PREX1: variants seen among roughly 807,000 people sequenced by gnomAD.
PREX1 encodes phosphatidylinositol-3,4,5-trisphosphate dependent Rac exchange factor 1, also known as phosphatidylinositol 3,4,5-trisphosphate-dependent Rac exchanger 1 protein.
In PREX1, 41 loss-of-function variants were observed where a neutral mutation model predicts 198.3. That is an observed-to-expected ratio of 0.21 (90% CI 0.16 to 0.27). The LOEUF (loss-of-function observed/expected upper bound fraction) is 0.27, where lower values mean the gene tolerates loss of function less well. PREX1 is among the 10% of genes least tolerant of loss of function. PREX1 has a pLI of 1.00. For synonymous variants in PREX1, 843 were observed against 887.2 expected (o/e 0.95, Z 0.89); for missense variants, 1,620 against 2,200.7 (o/e 0.74, Z 5.28).
At chr20:48,846,663 T>A in the PREX1 span, among the ~76,000 whole-genome samples, 2 of 152,116 alleles carry the variant, frequency 1.3e-5, no homozygotes, top group African/African-American at 4.8e-5. Flanking sequence ...AAACTTCTAT[T>A]GTGTTGCTGG....
At position 48,681,248 on chromosome 20, in the gene PREX1, G is replaced by T; in HGVS notation, c.1422C>A (p.Gly474=). The T allele has an allele frequency of 1.2e-6, 2 of 1,614,026 alleles. No homozygotes were observed. Among genetic ancestry groups the T allele is most frequent in the Non-Finnish European group, 8.5e-7 (1 of 1,179,974 alleles). Residue 474 remains glycine, a synonymous_variant, in exon 11 of 40, where the codon GGC becomes GGA. Transcript: ENST00000371941. ...VNLGQALLEN[G]IIHHVSDKHQ... ...CCCTCCACTCACCATGGTGGATGAT[G>T]CCATTCTCCAACAGGGCTTGGCCCA...
At chr20:48,665,291 T>A (rs1412267201) in intron 15 of PREX1, among the ~76,000 whole-genome samples, 1 of 136,314 alleles carries the variant, frequency 7.3e-6, no homozygotes, top group African/African-American at 2.8e-5. Context: ...TAATCCCGGC[T>A]CCAGACGGCC....
In PREX1 at chr20:48,625,774, C is replaced by T. The variant is rs748022795; in HGVS notation, c.*111G>A. The T allele has an allele frequency of 1.2e-4, 157 of 1,284,368 alleles. 1 individual carries two copies. The highest frequency in any genetic ancestry group is 2.7e-4 in the Middle Eastern group (1 of 3,652). The allele number at this position is 1,284,368 out of a possible 1,614,324, so 79.6% of individuals were successfully genotyped here. ...GGAGGACGCTGGGCAGGTCCCGGAA[C>T]GGGCGGCTGCGGAAGCCTTGGGCCA... On this transcript the variant is annotated 3_prime_UTR_variant, in exon 40 of 40. Transcript: ENST00000371941.
intron 39 of PREX1, among the ~76,000 whole-genome samples, chr20:48,626,696 G>A (rs1262340603): frequency 2.6e-5 from 4 of 152,228 alleles, no homozygotes; most frequent in African/African-American, 4.8e-5. Flanking sequence ...AGTGACTCTC[G>A]TCACCACTGG....
the PREX1 span, among the ~76,000 whole-genome samples, chr20:48,886,214 A>C: frequency 6.6e-6 from 1 of 152,194 alleles, no homozygotes; most frequent in Non-Finnish European, 1.5e-5. Flanking sequence ...TTTCCACTCA[A>C]TTCTGCTGTG....
intron 19 of PREX1, among the ~76,000 whole-genome samples, chr20:48,653,804 T>C (rs1400844518): frequency 6.6e-6 from 1 of 152,230 alleles, no homozygotes; most frequent in East Asian, 1.9e-4. Context: ...GCAGCCGCCT[T>C]GTGCTACTGG....
At chr20:48,713,743 C>CT (rs1214375899) in intron 5 of PREX1, among the ~76,000 whole-genome samples, 3 of 122,692 alleles carry the variant, frequency 2.4e-5, no homozygotes, top group African/African-American at 8.2e-5. Flanking sequence ...TCTATTATCT[C>CT]TTTTAAAAAA....
chr20:48,757,888 A>C (rs2090162052), intron 1 of PREX1, among the ~76,000 whole-genome samples: 1 of 152,270 alleles, frequency 6.6e-6, no homozygotes, highest in Admixed American at 6.5e-5. Context: ...ATTGTCAAAA[A>C]GAATAAATCT....
intron 3 of PREX1, among the ~76,000 whole-genome samples, chr20:48,743,989 A>AGTGATG: frequency 7.1e-6 from 1 of 140,028 alleles, no homozygotes; most frequent in East Asian, 2.1e-4. Context: ...GAAGTGAGTT[A>AGTGATG]GTGATGATGA....
chr20:48,823,157 C>T (rs189453969), intron 1 of PREX1, among the ~76,000 whole-genome samples: 49 of 152,304 alleles, frequency 3.2e-4, no homozygotes, highest in Admixed American at 5.2e-4. Context: ...CCATCCTGGT[C>T]GGTTCCGGGC....
At chr20:48,705,392 T>C (rs1276065376) in intron 6 of PREX1, among the ~76,000 whole-genome samples, 2 of 152,196 alleles carry the variant, frequency 1.3e-5, no homozygotes, top group Non-Finnish European at 2.9e-5. Flanking sequence ...AATTCATGAA[T>C]GATGCAACCT....
At chr20:48,822,656 T>C (rs1261710758) in intron 1 of PREX1, among the ~76,000 whole-genome samples, 2 of 152,272 alleles carry the variant, frequency 1.3e-5, no homozygotes, top group Admixed American at 6.5e-5. Flanking sequence ...TAATTTTATA[T>C]GAAAAGGGTA....
At chr20:48,647,937 G>A (rs768457677) in intron 25 of PREX1, among the ~76,000 whole-genome samples, 22 of 152,082 alleles carry the variant, frequency 1.4e-4, no homozygotes, top group Admixed American at 1.2e-3. Context: ...ACAGGGTCTC[G>A]TTCTTTCACC....
At chr20:48,679,499 A>ACGGGG in intron 12 of PREX1, 90 bp from the exon 13 acceptor site, 1 of 1,466,350 alleles carries the variant, frequency 6.8e-7, no homozygotes, top group Non-Finnish European at 9.5e-7. Context: ...GGCTTCCAGG[A>ACGGGG]CGGGGCAGGG....
chr20:48,833,850 G>A, the PREX1 span, among the ~76,000 whole-genome samples: 6 of 152,124 alleles, frequency 3.9e-5, no homozygotes, highest in Admixed American at 1.3e-4. Flanking sequence ...TTGGGAGGCC[G>A]AGACGGGCGG....
At chr20:48,627,208 C>G (rs4073098) in intron 39 of PREX1, among the ~76,000 whole-genome samples, 2 of 58,344 alleles carry the variant, frequency 3.4e-5, no homozygotes, top group East Asian at 3.5e-4. Context: ...GTAGGGGGCA[C>G]GGGGTGGGGG....
Position 48,650,196 on chromosome 20 carries a change from T to A in PREX1, c.2828A>T (p.Gln943Leu). Reference sequence around the variant, plus strand: ...GGGTGGGCTGACCCTGCTCTTCAGTTGGGCTGCAAACTGAGAAAGTGGAGG... The same window carrying A: ...GGGTGGGCTGACCCTGCTCTTCAGTAGGGCTGCAAACTGAGAAAGTGGAGG... ...RIACYQEFAA[Q>L]LKSRVSPPFK... Residue 943 changes from glutamine (Q) to leucine (L), a missense_variant, in exon 24 of 40, where the codon CAA becomes CTA. By Grantham distance (113) the Gln-to-Leu change is moderately radical. Around this residue, in one of 7 missense-constraint regions of PREX1, gnomAD observed 514 missense variants for 611.6 expected, o/e 0.84. Coordinates refer to ENST00000371941, the MANE Select transcript of PREX1 (RefSeq NM_020820.4). The A allele has an allele frequency of 6.2e-7, 1 of 1,612,434 alleles. No homozygotes were observed. The highest frequency in any genetic ancestry group is 8.5e-7 in the Non-Finnish European group (1 of 1,179,160).
Position 48,714,067 on chromosome 20 carries a change from C to A in PREX1, c.622-5646G>T, listed in dbSNP as rs78549741. ...AAATGAGGCTGGCCCCTTCCTCATG[C>A]CACACACAAAAATGGACTCAAAATG... On this transcript the variant is annotated intron_variant, in intron 5 of 39. Coordinates refer to ENST00000371941, the MANE Select transcript of PREX1 (RefSeq NM_020820.4). Among the ~76,000 whole-genome samples, 226 of 152,266 alleles carry A rather than the reference C, an allele frequency of 1.5e-3. 1 individual carries two copies. The highest frequency in any genetic ancestry group is 5.2e-3 in the African/African-American group (214 of 41,536).
At chr20:48,839,112 T>G in the PREX1 span, among the ~76,000 whole-genome samples, 5 of 152,120 alleles carry the variant, frequency 3.3e-5, no homozygotes, top group South Asian at 1.0e-3. Flanking sequence ...TTTTTCACAT[T>G]TCCCCAATTT....
Sources: gnomAD v4.1 joint callset for allele counts (sites outside exome capture counted in the v4.1 genomes callset) on GRCh38, gnomAD v4.1.1 for gene constraint, gnomAD v4.1.1 regional missense constraint, MANE v1.5 for transcripts, NCBI Gene and HGNC (gene_info 2026-07-23, HGNC 2026-07-21) for gene names.